RANBP17: variants seen among roughly 807,000 people sequenced by gnomAD.
RANBP17 encodes RAN binding protein 17.
In RANBP17, 158 loss-of-function variants were observed where a neutral mutation model predicts 141.2. That is an observed-to-expected ratio of 1.12 (90% CI 0.98 to 1.28). The LOEUF is 1.28. Among genes scored for constraint, RANBP17 ranks in the 50% most tolerant of loss-of-function variants. The pLI is 0.00. For missense variants in RANBP17, 1,438 were observed against 1,290.7 expected (o/e 1.11, Z -1.75); for synonymous variants, 430 against 450.0 (o/e 0.96, Z 0.56).
intron 14 of RANBP17, among the ~76,000 whole-genome samples, chr5:170,984,798 G>A (rs1015482070): frequency 3.3e-5 from 5 of 152,082 alleles, no homozygotes; most frequent in African/African-American, 9.7e-5. Flanking sequence ...GTTACCTGGT[G>A]TGTCACCATT....
chr5:171,258,586 C>T, intron 24 of RANBP17, among the ~76,000 whole-genome samples: 1 of 152,124 alleles, frequency 6.6e-6, no homozygotes, highest in East Asian at 1.9e-4. Flanking sequence ...CACATACTTA[C>T]AGCCAACCGA....
chr5:171,060,560 T>A (rs113858810), intron 14 of RANBP17, among the ~76,000 whole-genome samples: 25 of 152,204 alleles, frequency 1.6e-4, no homozygotes, highest in African/African-American at 6.0e-4. Context: ...CTGGATTCGG[T>A]TTGTCAGTAT....
At chr5:171,180,517 T>C (rs1325287236) in intron 16 of RANBP17, among the ~76,000 whole-genome samples, 1 of 152,196 alleles carries the variant, frequency 6.6e-6, no homozygotes, top group Non-Finnish European at 1.5e-5. Context: ...ATTTATCTAG[T>C]GCTCCACCCA....
chr5:170,906,030 T>C (rs1198093776), intron 5 of RANBP17, among the ~76,000 whole-genome samples: 1 of 152,078 alleles, frequency 6.6e-6, no homozygotes, highest in African/African-American at 2.4e-5. Flanking sequence ...TTTTCTCAAC[T>C]GACGCTAAGT....
intron 6 of RANBP17, 65 bp from the exon 7 acceptor site, chr5:170,910,904 A>G: frequency 1.4e-6 from 2 of 1,458,314 alleles, no homozygotes; most frequent in African/African-American, 2.8e-5. Context: ...AATTATTTTA[A>G]TTCATGAAGT....
chr5:170,914,792 C>CT lies in RANBP17; in HGVS notation c.834+555dup, dbSNP rs543247022. 4.8e-3 allele frequency among the ~76,000 whole-genome samples: 724 copies of CT among 152,248 alleles called. 5 individuals are homozygous for CT. The highest frequency in any genetic ancestry group is 0.017 in the African/African-American group (702 of 41,558). On this transcript the variant is annotated intron_variant, in intron 8 of 27. Coordinates refer to ENST00000523189, the MANE Select transcript of RANBP17 (RefSeq NM_022897.5). Reference sequence around the variant, plus strand: ...CTTGATACTCTGTAGTTGTATACAACTTTGAGACTCTTAGCTCCATCTTTG... The same window carrying CT: ...CTTGATACTCTGTAGTTGTATACAACTTTTGAGACTCTTAGCTCCATCTTTG...
At chr5:170,887,086 A>T (rs371128370) in intron 3 of RANBP17, among the ~76,000 whole-genome samples, 23 of 152,248 alleles carry the variant, frequency 1.5e-4, no homozygotes, top group African/African-American at 5.1e-4. Context: ...GTGAACTGTT[A>T]CCTTCTTTGG....
intron 14 of RANBP17, among the ~76,000 whole-genome samples, chr5:170,976,529 A>G (rs1423792158): frequency 2.0e-5 from 3 of 152,126 alleles, no homozygotes; most frequent in African/African-American, 4.8e-5. Context: ...AATAGCCAAA[A>G]CAATCTTGGC....
intron 12 of RANBP17, among the ~76,000 whole-genome samples, chr5:170,942,047 G>A (rs763450815): frequency 2.0e-4 from 31 of 152,162 alleles, no homozygotes; most frequent in Non-Finnish European, 2.9e-4. Flanking sequence ...TCCACCTCCT[G>A]TCAGATCAGC....
intron 14 of RANBP17, among the ~76,000 whole-genome samples, chr5:171,126,836 C>T (rs1219442907): frequency 6.6e-6 from 1 of 152,086 alleles, no homozygotes; most frequent in South Asian, 2.1e-4. Context: ...AATAAAAAGT[C>T]TCCCAAAAAA....
chr5:171,163,062 A>T (rs958667520), intron 14 of RANBP17, among the ~76,000 whole-genome samples: 1 of 152,176 alleles, frequency 6.6e-6, no homozygotes, highest in Non-Finnish European at 1.5e-5. Flanking sequence ...GTTTTTCTTT[A>T]TCAGATGCTG....
At chr5:171,013,225 G>T (rs1469032629) in intron 14 of RANBP17, among the ~76,000 whole-genome samples, 1 of 152,072 alleles carries the variant, frequency 6.6e-6, no homozygotes, top group Non-Finnish European at 1.5e-5. Context: ...CCCACCATAT[G>T]GCCCAAACTG....
rs1760279519 is a variant in RANBP17 at position 171,174,085 on chromosome 5, A to G, written c.1865+2799A>G. Among the ~76,000 whole-genome samples the G allele has an allele frequency of 3.3e-5, 5 of 152,128 alleles. No homozygotes were observed. In the South Asian group the frequency reaches 1.0e-3, roughly 31 times the overall value. Reference sequence around the variant, plus strand: ...CTGTTTGCCAAATTTGAAACTTTTCAAATTGGTAAGATTATTGTTATTTTA... The same window carrying G: ...CTGTTTGCCAAATTTGAAACTTTTCGAATTGGTAAGATTATTGTTATTTTA... On this transcript the variant is annotated intron_variant, in intron 16 of 27. Coordinates refer to ENST00000523189, the MANE Select transcript of RANBP17 (RefSeq NM_022897.5).
intron 9 of RANBP17, among the ~76,000 whole-genome samples, chr5:170,917,111 A>AT (rs1772040986): frequency 6.6e-6 from 1 of 152,168 alleles, no homozygotes; most frequent in Non-Finnish European, 1.5e-5. Context: ...TTTTAGGCAA[A>AT]TATGACTAGA....
intron 14 of RANBP17, among the ~76,000 whole-genome samples, chr5:171,139,610 A>T (rs1214387292): frequency 1.3e-5 from 2 of 152,130 alleles, no homozygotes; most frequent in African/African-American, 4.8e-5. Context: ...GTTCTACTAT[A>T]TATTTTTTGC....
intron 12 of RANBP17, among the ~76,000 whole-genome samples, chr5:170,927,583 C>CT (rs1773031277): frequency 6.6e-6 from 1 of 151,602 alleles, no homozygotes; most frequent in South Asian, 2.1e-4. Flanking sequence ...TTTTTTTCTC[C>CT]TTGATTTTTA....
rs1186431259 is a variant in RANBP17 at position 170,911,110 on chromosome 5, C to T, written c.736C>T (p.Gln246Ter). 4 of 1,611,184 alleles carry T rather than the reference C, an allele frequency of 2.5e-6. No homozygotes were observed. In the South Asian group the frequency reaches 3.3e-5, roughly 13 times the overall value. Residue 246 changes from glutamine (Q) to a stop codon, truncating the protein, a stop_gained, in exon 7 of 28, where the codon CAG becomes TAG. Transcript: ENST00000523189. LOFTEE classifies it high-confidence loss of function. Reference protein sequence around the residue: ...DESADDLCTVQIPTTWRTIFL... With the variant: ...DESADDLCTV ...ATCTGCAGATGATCTTTGCACGGTG[C>T]AGATTCCAACAACTTGGAGAACAAG...
At chr5:171,041,678 A>G (rs953612733) in intron 14 of RANBP17, among the ~76,000 whole-genome samples, 9 of 152,154 alleles carry the variant, frequency 5.9e-5, no homozygotes, top group African/African-American at 1.9e-4. Context: ...TTGTAACACA[A>G]TGGTAAGTAC....
At chr5:170,949,696 T>C (rs181393843) in intron 12 of RANBP17, among the ~76,000 whole-genome samples, 18 of 152,310 alleles carry the variant, frequency 1.2e-4, no homozygotes, top group Admixed American at 1.0e-3. Flanking sequence ...AGAGGTGCCA[T>C]GTAACTCAGC....
Sources: allele counts gnomAD v4.1 joint callset (sites outside exome capture counted in the v4.1 genomes callset), GRCh38; gene constraint gnomAD v4.1.1; transcripts MANE v1.5; gene names NCBI Gene and HGNC (gene_info 2026-07-23, HGNC 2026-07-21).